Variants in CYTH3 observed in about 807,000 individuals in gnomAD.
The protein encoded by CYTH3 is cytohesin-3.
CYTH3 carries 23 observed loss-of-function variants against 55.1 expected under a neutral mutation model. The observed-to-expected ratio is 0.42, with a 90% CI of 0.30 to 0.59. CYTH3 has a LOEUF of 0.59. Ranked by LOEUF, CYTH3 falls within the 20% of genes least tolerant of loss-of-function variation. The pLI is 0.20. For missense variants in CYTH3, 413 were observed against 524.8 expected, an observed-to-expected ratio of 0.79 and a Z score of 2.08; for synonymous variants, 249 against 194.9, an observed-to-expected ratio of 1.28 and a Z score of -2.31.
intron 1 of CYTH3, among the ~76,000 whole-genome samples, chr7:6,213,704 C>T (rs1365557557): frequency 6.6e-6 from 1 of 151,990 alleles, no homozygotes; most frequent in African/African-American, 2.4e-5. Flanking sequence ...CTTCGGGTGT[C>T]TGAAGACACA....
In CYTH3 at chr7:6,256,054, C is replaced by T. The variant is rs545502171; in HGVS notation, c.34+16420G>A. Among the ~76,000 whole-genome samples, 17 of 152,258 alleles carry T rather than the reference C, an allele frequency of 1.1e-4. 1 individual carries two copies. In the East Asian group the frequency reaches 3.1e-3, roughly 28 times the overall value. The stretch of plus-strand genomic sequence containing the variant: ...CTGGGATTACAGGCATGAGCCATTG[C>T]GCCCGGCCAACCTTTAATCTGTTTA... On this transcript the variant is annotated intron_variant, in intron 1 of 12. Coordinates refer to ENST00000350796, the MANE Select transcript of CYTH3 (RefSeq NM_004227.4).
chr7:6,259,809 ATATAAT>A (rs1466126156), intron 1 of CYTH3, among the ~76,000 whole-genome samples: 1 of 26,274 alleles, frequency 3.8e-5, no homozygotes, highest in Non-Finnish European at 5.3e-5. Flanking sequence ...ATATATATAT[ATATAAT>A]ATATATATAT....
intron 4 of CYTH3, among the ~76,000 whole-genome samples, chr7:6,186,243 C>CA (rs35117209): frequency 0.07 from 5,362 of 77,028 alleles, 276 homozygotes; most frequent in Non-Finnish European, 0.1. Flanking sequence ...GACTCTATCT[C>CA]AAAAAAAAAA....
At chr7:6,259,070 G>A (rs11982134) in intron 1 of CYTH3, among the ~76,000 whole-genome samples, 6,993 of 152,216 alleles carry the variant, frequency 0.046, 549 homozygotes, top group African/African-American at 0.16. Context: ...TATCTGTCCA[G>A]AGAAAAAGGA....
intron 5 of CYTH3, among the ~76,000 whole-genome samples, chr7:6,175,220 G>C (rs185065524): frequency 6.6e-6 from 1 of 152,178 alleles, no homozygotes; most frequent in Admixed American, 6.5e-5. Flanking sequence ...TTTCAGGCTA[G>C]TCAAGTGAAG....
At chr7:6,215,030 T>C (rs1430472067) in intron 1 of CYTH3, among the ~76,000 whole-genome samples, 1 of 152,166 alleles carries the variant, frequency 6.6e-6, no homozygotes, top group Non-Finnish European at 1.5e-5. Context: ...TACAGAGTTA[T>C]TTGTGTGTGA....
rs188232670 is a variant in CYTH3 at position 6,205,314 on chromosome 7, C to T, written c.35-14783G>A. 2.5e-3 allele frequency among the ~76,000 whole-genome samples: 375 copies of T among 152,276 alleles called. 2 individuals are homozygous for T. The highest frequency in any genetic ancestry group is 4.5e-3 in the Non-Finnish European group (304 of 68,022). ...AAAGGCCAGGCACGGTGGCTCACAC[C>T]TGTAATCCGGAACTTTGGGAGTCCA... is the stretch of plus-strand genomic sequence containing the variant. On this transcript the variant is annotated intron_variant, in intron 1 of 12. Transcript: ENST00000350796.
At chr7:6,270,050 C>T (rs969050575) in intron 1 of CYTH3, among the ~76,000 whole-genome samples, 2 of 152,068 alleles carry the variant, frequency 1.3e-5, no homozygotes, top group South Asian at 2.1e-4. Context: ...GCAGCTGAAA[C>T]GGTTTTCTTT....
chr7:6,187,185 A>G, intron 3 of CYTH3, 69 bp from the exon 4 acceptor site: 1 of 1,513,506 alleles, frequency 6.6e-7, no homozygotes, highest in Non-Finnish European at 9.2e-7. Flanking sequence ...ACGGCCCTCC[A>G]GTGTACTTTC....
chr7:6,194,967 C>T (rs949885028), intron 1 of CYTH3, among the ~76,000 whole-genome samples: 2 of 151,780 alleles, frequency 1.3e-5, no homozygotes, highest in African/African-American at 4.8e-5. Context: ...AAGAGCAAAA[C>T]TCCATCTCAA....
Position 6,164,479 on chromosome 7 carries a change from T to TATA in CYTH3, c.*462_*464dup, listed in dbSNP as rs1404171453. On this transcript the variant is annotated 3_prime_UTR_variant, in exon 13 of 13. Transcript: ENST00000350796. ...GGTAGCTTTTCCTTTCCTGTTTTGCTATAAAACAGTGGCTTTCTAGAACGG... is the reference window on the plus strand; with the variant it reads ...GGTAGCTTTTCCTTTCCTGTTTTGCTATAATAAAACAGTGGCTTTCTAGAACGG... 1 of 156,020 alleles carries TATA rather than the reference T, an allele frequency of 6.4e-6. No individual in the cohort carries two copies. Among genetic ancestry groups the TATA allele is most frequent in the African/African-American group, 2.4e-5 (1 of 41,586 alleles). 9.7% of individuals were successfully genotyped at this position (156,020 alleles called of 1,614,324 possible). A position where few individuals can be genotyped will look rare whatever the true frequency, so the allele number is the denominator to read the frequency against.
chr7:6,189,978 G>GT (rs1196028464), intron 2 of CYTH3, among the ~76,000 whole-genome samples: 1 of 152,160 alleles, frequency 6.6e-6, no homozygotes, highest in East Asian at 1.9e-4. Flanking sequence ...AAAGGATGCA[G>GT]TGAGCCCAGA....
chr7:6,226,926 A>G (rs1057452956), intron 1 of CYTH3, among the ~76,000 whole-genome samples: 2 of 152,112 alleles, frequency 1.3e-5, no homozygotes, highest in African/African-American at 4.8e-5. Context: ...TAAAAATACA[A>G]AAAATTAGCC....
chr7:6,206,974 A>C (rs999732903), intron 1 of CYTH3, among the ~76,000 whole-genome samples: 1 of 152,174 alleles, frequency 6.6e-6, no homozygotes, highest in Admixed American at 6.5e-5. Flanking sequence ...CATCAATTTT[A>C]AGTAAACCAT....
chr7:6,272,578 G>C lies in CYTH3; in HGVS notation c.-71C>G. 8.8e-7 allele frequency: 1 copy of C among 1,132,558 alleles called. No individual in the cohort carries two copies. Among genetic ancestry groups the C allele is most frequent in the Non-Finnish European group, 1.1e-6 (1 of 921,982 alleles). The allele number at this position is 1,132,558 out of a possible 1,614,324, so 70.2% of individuals were successfully genotyped here. ...GGGGCCGCGGGCTGGGGACGCCGCCGGAGGGAGCGCGCAGGCGACCGGGCG... is the reference window on the plus strand; with the variant it reads ...GGGGCCGCGGGCTGGGGACGCCGCCCGAGGGAGCGCGCAGGCGACCGGGCG... On this transcript the variant is annotated 5_prime_UTR_variant, in exon 1 of 13. Coordinates refer to ENST00000350796, the MANE Select transcript of CYTH3 (RefSeq NM_004227.4).
chr7:6,259,791 ATAT>A lies in CYTH3; in HGVS notation c.34+12680_34+12682del, dbSNP rs1562417711. ...TATATATTATATATATATAATATAT[ATAT>A]ATATATATATATATATATAATATAT... On this transcript the variant is annotated intron_variant, in intron 1 of 12. Coordinates refer to ENST00000350796, the MANE Select transcript of CYTH3 (RefSeq NM_004227.4). Among the ~76,000 whole-genome samples the A allele has an allele frequency of 2.0e-3, 30 of 15,016 alleles. 1 individual carries two copies. Among genetic ancestry groups the A allele is most frequent in the African/African-American group, 0.011 (11 of 1,012 alleles). The allele number at this position is 15,016 out of a possible 152,430, so 9.9% of individuals were successfully genotyped here.
In CYTH3 at chr7:6,165,363, G is replaced by T; in HGVS notation, c.1037C>A (p.Ala346Asp). 1 of 1,614,176 alleles carries T rather than the reference G, an allele frequency of 6.2e-7. No homozygotes were observed. The highest frequency in any genetic ancestry group is 8.5e-7 in the Non-Finnish European group (1 of 1,180,026). The part of the protein sequence containing the change: ...GQVIKACKTE[A>D]DGRVVEGNHV... ...GTTCCCCTCTACCACGCGGCCGTCGGCCTCAGTCTTACAGGCCTTGATGAC... is the reference window on the plus strand; with the variant it reads ...GTTCCCCTCTACCACGCGGCCGTCGTCCTCAGTCTTACAGGCCTTGATGAC... The change falls in exon 12 of 13, where the codon GCC (alanine) becomes GAC (aspartate). Residue 346 changes from alanine (A) to aspartate (D), a missense_variant. Physicochemically the swap from Ala to Asp is moderately radical, Grantham distance 126. This residue lies in a region of CYTH3 where 98 missense variants were observed against 115.2 expected (regional missense o/e 0.85). Transcript: ENST00000350796.
At chr7:6,229,263 T>C (rs1002403550) in intron 1 of CYTH3, among the ~76,000 whole-genome samples, 6 of 152,162 alleles carry the variant, frequency 3.9e-5, no homozygotes, top group African/African-American at 1.2e-4. Flanking sequence ...TTTACATATG[T>C]CTAAATAATG....
rs190875191 is a variant in CYTH3 at position 6,198,690 on chromosome 7, G to A, written c.35-8159C>T. Among the ~76,000 whole-genome samples, 3 of 151,418 alleles carry A rather than the reference G, an allele frequency of 2.0e-5. No homozygotes were observed. The East Asian group carries it at 5.9e-4, about 30-fold the overall frequency. ...AGCGGTTTATTTTTGAATGGATAAA[G>A]TAATATATGGATATGGTTACACATA... On this transcript the variant is annotated intron_variant, in intron 1 of 12. Coordinates refer to ENST00000350796, the MANE Select transcript of CYTH3 (RefSeq NM_004227.4).
Sources: allele counts gnomAD v4.1 joint callset (sites outside exome capture counted in the v4.1 genomes callset), GRCh38; gene constraint gnomAD v4.1.1; regional missense constraint gnomAD v4.1.1; transcripts MANE v1.5; gene names NCBI Gene and HGNC (gene_info 2026-07-23, HGNC 2026-07-21).